Variants in SLC24A3 observed in about 807,000 individuals in gnomAD.
SLC24A3 encodes sodium/potassium/calcium exchanger 3.
SLC24A3 carries 28 observed loss-of-function variants against 75.8 expected under a neutral mutation model. The observed-to-expected ratio is 0.37, with a 90% CI of 0.27 to 0.51. The LOEUF (loss-of-function observed/expected upper bound fraction) is 0.51. SLC24A3 is among the 20% of genes least tolerant of loss of function. SLC24A3 has a pLI of 0.94. For missense variants in SLC24A3, 663 were observed against 847.8 expected (o/e 0.78, Z 2.71); for synonymous variants, 372 against 334.1 (o/e 1.11, Z -1.24).
intron 2 of SLC24A3, among the ~76,000 whole-genome samples, chr20:19,324,343 G>T (rs1263609580): frequency 2.0e-5 from 3 of 152,146 alleles, no homozygotes; most frequent in African/African-American, 7.2e-5. Context: ...AACCATTTTT[G>T]ATTTGAATAT....
At chr20:19,498,812 A>G (rs1988338024) in intron 2 of SLC24A3, among the ~76,000 whole-genome samples, 1 of 152,216 alleles carries the variant, frequency 6.6e-6, no homozygotes, top group African/African-American at 2.4e-5. Context: ...AAATCTTTGT[A>G]ACTGCCATGA....
chr20:19,213,928 G>A lies in SLC24A3; in HGVS notation c.142+944G>A, dbSNP rs148967468. Among the ~76,000 whole-genome samples, 29 of 152,316 alleles carry A rather than the reference G, an allele frequency of 1.9e-4. No homozygotes were observed. The East Asian group carries it at 5.4e-3, about 28-fold the overall frequency. ...TGGGAAAACAGCCATGTAAAGGGTTGTGAGAAAGAAACAAAACAAAACAAA... is the reference window on the plus strand; with the variant it reads ...TGGGAAAACAGCCATGTAAAGGGTTATGAGAAAGAAACAAAACAAAACAAA... On this transcript the variant is annotated intron_variant, in intron 1 of 16. Transcript: ENST00000328041.
At chr20:19,227,748 C>G (rs1981909295) in intron 1 of SLC24A3, among the ~76,000 whole-genome samples, 1 of 152,112 alleles carries the variant, frequency 6.6e-6, no homozygotes. Flanking sequence ...TATATTTACT[C>G]ATTAATTAAT....
chr20:19,246,968 T>A (rs1368943151), intron 1 of SLC24A3, among the ~76,000 whole-genome samples: 3 of 151,898 alleles, frequency 2.0e-5, no homozygotes, highest in Non-Finnish European at 2.9e-5. Context: ...CAGGCAAGAG[T>A]GATCATTGTC....
chr20:19,427,434 T>C (rs1025645459), intron 2 of SLC24A3, among the ~76,000 whole-genome samples: 7 of 152,334 alleles, frequency 4.6e-5, no homozygotes, highest in African/African-American at 1.7e-4. Context: ...AAAAAATATA[T>C]TGAGCATATT....
At chr20:19,425,341 T>G (rs1986988560) in intron 2 of SLC24A3, among the ~76,000 whole-genome samples, 1 of 152,192 alleles carries the variant, frequency 6.6e-6, no homozygotes, top group African/African-American at 2.4e-5. Context: ...ATTGGCTCTT[T>G]TATCTCTTTT....
At chr20:19,531,822 G>T (rs891708845) in intron 3 of SLC24A3, among the ~76,000 whole-genome samples, 8 of 152,146 alleles carry the variant, frequency 5.3e-5, no homozygotes, top group African/African-American at 1.9e-4. Context: ...CCAAGCCCCC[G>T]CGTGGAGATC....
In SLC24A3 at chr20:19,212,871, C is replaced by A; in HGVS notation, c.29C>A (p.Ala10Glu). ...CGGCCGTCCGGCGACGAGGACCGCG[C>A]GCGTCGCCGCCGCCGCCGCCGCCGC... Reference protein sequence around the residue: MRPSGDEDRARRRRRRRRRR... With the variant: MRPSGDEDRERRRRRRRRRR... The change falls in exon 1 of 17, where the codon GCG (alanine) becomes GAG (glutamate). Residue 10 changes from alanine (A) to glutamate (E), a missense_variant. This residue lies in a region of SLC24A3 where 153 missense variants were observed against 144.2 expected (regional missense o/e 1.06). Transcript: ENST00000328041. 8.0e-7 allele frequency: 1 copy of A among 1,247,944 alleles called. No individual in the cohort carries two copies. The highest frequency in any genetic ancestry group is 1.0e-6 in the Non-Finnish European group (1 of 990,730). 77.3% of individuals were successfully genotyped at this position (1,247,944 alleles called of 1,614,324 possible). A position where few individuals can be genotyped will look rare whatever the true frequency, so the allele number is the denominator to read the frequency against.
intron 2 of SLC24A3, among the ~76,000 whole-genome samples, chr20:19,422,711 C>T (rs1307577206): frequency 6.6e-6 from 1 of 152,196 alleles, no homozygotes; most frequent in African/African-American, 2.4e-5. Flanking sequence ...TTCCAATGAG[C>T]AGCCACAGCT....
At chr20:19,704,623 A>C (rs2032908307) in intron 15 of SLC24A3, among the ~76,000 whole-genome samples, 1 of 152,168 alleles carries the variant, frequency 6.6e-6, no homozygotes, top group Non-Finnish European at 1.5e-5. Context: ...TTAGAGAGAG[A>C]GGTGCAGATG....
In SLC24A3 at chr20:19,470,602, A is replaced by G. The variant is rs577220548; in HGVS notation, c.272-44886A>G. Among the ~76,000 whole-genome samples, 3 of 152,262 alleles carry G rather than the reference A, an allele frequency of 2.0e-5. No homozygotes were observed. In the East Asian group the frequency reaches 5.8e-4, roughly 29 times the overall value. Reference sequence around the variant, plus strand: ...GGTACATGTGCACACATGTACATACACGCACACACACACATAGACATGACT... The same window carrying G: ...GGTACATGTGCACACATGTACATACGCGCACACACACACATAGACATGACT... On this transcript the variant is annotated intron_variant, in intron 2 of 16. Coordinates refer to ENST00000328041, the MANE Select transcript of SLC24A3 (RefSeq NM_020689.4).
chr20:19,673,708 T>C (rs1252681156), intron 9 of SLC24A3, 54 bp downstream of exon 9: 46 of 1,464,880 alleles, frequency 3.1e-5, no homozygotes, highest in Non-Finnish European at 3.7e-5. Flanking sequence ...TTCCACATTA[T>C]GTGATGATGT....
At chr20:19,408,361 G>A (rs1986686111) in intron 2 of SLC24A3, among the ~76,000 whole-genome samples, 1 of 150,044 alleles carries the variant, frequency 6.7e-6, no homozygotes, top group Non-Finnish European at 1.5e-5. Context: ...CCTTTTTCTA[G>A]TGAGGGTTTA....
At chr20:19,457,367 A>G (rs1987596384) in intron 2 of SLC24A3, among the ~76,000 whole-genome samples, 1 of 152,328 alleles carries the variant, frequency 6.6e-6, no homozygotes, top group African/African-American at 2.4e-5. Context: ...TTCAAGGAAC[A>G]TTTTCTTTTT....
At chr20:19,578,098 AT>A (rs1338519837) in intron 3 of SLC24A3, among the ~76,000 whole-genome samples, 2 of 152,222 alleles carry the variant, frequency 1.3e-5, no homozygotes, top group Admixed American at 1.3e-4. Context: ...AACAGAGATC[AT>A]TTCATGCTTG....
intron 1 of SLC24A3, chr20:19,244,287 G>C (rs1350587803): frequency 1.3e-5 from 2 of 152,230 alleles, no homozygotes; most frequent in East Asian, 3.8e-4. Flanking sequence ...AATGCCGAGA[G>C]GCTGCTGGGA....
At chr20:19,287,835 C>G (rs1983852256) in intron 2 of SLC24A3, among the ~76,000 whole-genome samples, 1 of 152,216 alleles carries the variant, frequency 6.6e-6, no homozygotes. Flanking sequence ...AATCCTAAAT[C>G]CCAACTCCAC....
chr20:19,495,954 C>T (rs368594624), intron 2 of SLC24A3, among the ~76,000 whole-genome samples: 4 of 152,038 alleles, frequency 2.6e-5, no homozygotes, highest in East Asian at 1.9e-4. Context: ...TCTGAGTTTC[C>T]GGCAAAAACA....
intron 2 of SLC24A3, among the ~76,000 whole-genome samples, chr20:19,349,281 T>A (rs990381577): frequency 6.6e-6 from 1 of 152,216 alleles, no homozygotes; most frequent in Non-Finnish European, 1.5e-5. Context: ...CCTGTCTCTG[T>A]GCCTCTAGAC....
Sources: gnomAD v4.1 joint callset for allele counts (sites outside exome capture counted in the v4.1 genomes callset) on GRCh38, gnomAD v4.1.1 for gene constraint, gnomAD v4.1.1 regional missense constraint, MANE v1.5 for transcripts, NCBI Gene and HGNC (gene_info 2026-07-23, HGNC 2026-07-21) for gene names.